ABI2: variants seen among roughly 807,000 people sequenced by gnomAD.
ABI2 encodes the protein abl interactor 2.
A neutral mutation model predicts 59.2 loss-of-function variants in ABI2; 25 were observed. The observed-to-expected ratio is 0.42, with a 90% CI of 0.31 to 0.59. ABI2 has a LOEUF of 0.59. Among genes scored for constraint, ABI2 ranks in the 20% least tolerant of loss-of-function variants. ABI2 has a pLI of 0.14. For synonymous variants in ABI2, 213 were observed against 235.5 expected, an observed-to-expected ratio of 0.90 and a Z score of 0.87; for missense variants, 545 against 681.8, an observed-to-expected ratio of 0.80 and a Z score of 2.23.
intron 5 of ABI2, among the ~76,000 whole-genome samples, chr2:203,392,307 ACCAC>A (rs1559312810): frequency 2.4e-5 from 2 of 82,324 alleles, no homozygotes; most frequent in East Asian, 2.7e-4. Flanking sequence ...CACCACCACC[ACCAC>A]CACCAACAAC....
chr2:203,370,911 T>C (rs1054012339), intron 2 of ABI2, among the ~76,000 whole-genome samples: 18 of 152,200 alleles, frequency 1.2e-4, no homozygotes, highest in Non-Finnish European at 2.5e-4. Context: ...TTCTTTTCTC[T>C]ATTGCCTGGG....
At chr2:203,351,986 G>A (rs1321587640) in intron 1 of ABI2, among the ~76,000 whole-genome samples, 1 of 152,154 alleles carries the variant, frequency 6.6e-6, no homozygotes, top group South Asian at 2.1e-4. Context: ...TAATGTTGTA[G>A]CACAATGCAT....
chr2:203,382,316 T>A, intron 4 of ABI2, 110 bp downstream of exon 4: 1 of 937,964 alleles, frequency 1.1e-6, no homozygotes, highest in South Asian at 1.7e-5. Context: ...AATAAATAAT[T>A]CCTCCTTTTT....
At chr2:203,350,491 A>G (rs567412910) in intron 1 of ABI2, among the ~76,000 whole-genome samples, 73 of 151,486 alleles carry the variant, frequency 4.8e-4, no homozygotes, top group African/African-American at 1.7e-3. Flanking sequence ...CTAGGACTAG[A>G]GGTAGACACT....
At chr2:203,393,148 G>A (rs936855694) in intron 5 of ABI2, among the ~76,000 whole-genome samples, 1 of 152,190 alleles carries the variant, frequency 6.6e-6, no homozygotes, top group Non-Finnish European at 1.5e-5. Context: ...CAATTCTCTT[G>A]CCTCCAGGCG....
rs551273988 is a variant in ABI2 at position 203,378,276 on chromosome 2, C to A, written c.286-1932C>A. 8.5e-5 allele frequency among the ~76,000 whole-genome samples: 13 copies of A among 152,178 alleles called. No homozygotes were observed. The East Asian group carries it at 2.3e-3, about 27-fold the overall frequency. ...TACAGGCACCCGCCACCATGCCCGGCTAATTTTTGTATTTTTAGTAGAGAC... is the reference window on the plus strand; with the variant it reads ...TACAGGCACCCGCCACCATGCCCGGATAATTTTTGTATTTTTAGTAGAGAC... On this transcript the variant is annotated intron_variant, in intron 2 of 11. Transcript: ENST00000261018.
chr2:203,336,905 T>C (rs961371525), intron 1 of ABI2, among the ~76,000 whole-genome samples: 4 of 152,208 alleles, frequency 2.6e-5, no homozygotes, highest in Non-Finnish European at 4.4e-5. Flanking sequence ...CGTTTTGCGT[T>C]CCCACCAGCA....
chr2:203,412,258 A>T (rs556615844), intron 10 of ABI2, among the ~76,000 whole-genome samples: 1 of 152,310 alleles, frequency 6.6e-6, no homozygotes, highest in Non-Finnish European at 1.5e-5. Flanking sequence ...TATAAGAGCA[A>T]GGAGTTTTGC....
chr2:203,360,126 A>G (rs190166019), intron 1 of ABI2, among the ~76,000 whole-genome samples: 233 of 143,964 alleles, frequency 1.6e-3, no homozygotes, highest in Non-Finnish European at 3.1e-3. Flanking sequence ...TGGAGGTTGC[A>G]GGGAGCTAAG....
At chr2:203,397,892 G>A (rs1035633362) in intron 8 of ABI2, among the ~76,000 whole-genome samples, 2 of 152,126 alleles carry the variant, frequency 1.3e-5, no homozygotes, top group African/African-American at 4.8e-5. Flanking sequence ...TGCAAGAACA[G>A]CTCCAAGGGG....
chr2:203,328,450 C>A lies in ABI2; in HGVS notation c.-65C>A. 7.2e-7 allele frequency: 1 copy of A among 1,380,956 alleles called. No homozygotes were observed. The highest frequency in any genetic ancestry group is 1.0e-6 in the Non-Finnish European group (1 of 1,000,460). 85.5% of individuals were successfully genotyped at this position (1,380,956 alleles called of 1,614,324 possible). ...TCCTCCTCTCCCGGTCCTGGGTTTC[C>A]TTGGCGCTGCGGCCGCCGCTCCCTC... On this transcript the variant is annotated 5_prime_UTR_variant, in exon 1 of 12. Coordinates refer to ENST00000261018, the MANE Select transcript of ABI2 (RefSeq NM_001375670.1).
rs758486365 is a variant in ABI2 at position 203,395,643 on chromosome 2, C to T, written c.726-13C>T. ...TATAAATACTCATGTTTTGGTGGCT[C>T]TTATTTCTTTAGCAGCAGTGGGAGT... On this transcript the variant is annotated splice_polypyrimidine_tract_variant and intron_variant, in intron 6 of 11. Coordinates refer to ENST00000261018, the MANE Select transcript of ABI2 (RefSeq NM_001375670.1). 205 of 1,603,684 alleles carry T rather than the reference C, an allele frequency of 1.3e-4. No homozygotes were observed. The highest frequency in any genetic ancestry group is 1.7e-4 in the Non-Finnish European group (198 of 1,175,564).
intron 10 of ABI2, among the ~76,000 whole-genome samples, chr2:203,413,376 A>G: frequency 6.6e-6 from 1 of 152,324 alleles, no homozygotes; most frequent in African/African-American, 2.4e-5. Flanking sequence ...TCATGAACCA[A>G]ACCTAAGAAG....
chr2:203,398,739 C>T (rs947218636), intron 8 of ABI2, among the ~76,000 whole-genome samples: 1 of 152,124 alleles, frequency 6.6e-6, no homozygotes, highest in African/African-American at 2.4e-5. Flanking sequence ...TCCTGGTAAG[C>T]CCTTGATGTG....
chr2:203,421,811 A>C (rs2098219340), intron 11 of ABI2, among the ~76,000 whole-genome samples: 1 of 152,008 alleles, frequency 6.6e-6, no homozygotes, highest in South Asian at 2.1e-4. Context: ...TACAAGTTCA[A>C]AAATTAGCTG....
intron 1 of ABI2, among the ~76,000 whole-genome samples, chr2:203,346,774 AAAT>A (rs578068487): frequency 1.9e-4 from 29 of 152,328 alleles, no homozygotes; most frequent in Non-Finnish European, 2.9e-4. Context: ...AGCAGGGACA[AAAT>A]AATAACCTGT....
chr2:203,395,799 CTCG>C lies in ABI2; in HGVS notation c.850+22_850+24del, dbSNP rs767575827. 3.2e-6 allele frequency: 5 copies of C among 1,555,756 alleles called. No individual in the cohort carries two copies. In the East Asian group the frequency reaches 1.2e-4, roughly 37 times the overall value. Reference sequence around the variant, plus strand: ...TTTCCAGGTAAAACATTCATGGTGCCTCGTCTTCACTTTTCCTTTCTGAATTTG... The same window carrying C: ...TTTCCAGGTAAAACATTCATGGTGCCTCTTCACTTTTCCTTTCTGAATTTG... On this transcript the variant is annotated intron_variant, in intron 7 of 11. Coordinates refer to ENST00000261018, the MANE Select transcript of ABI2 (RefSeq NM_001375670.1).
intron 2 of ABI2, among the ~76,000 whole-genome samples, chr2:203,377,831 G>T (rs1429092079): frequency 2.0e-5 from 3 of 152,180 alleles, no homozygotes; most frequent in Non-Finnish European, 4.4e-5. Flanking sequence ...ATTTCAGCCT[G>T]AGAGGTCGAG....
At chr2:203,345,896 C>T (rs998112723) in intron 1 of ABI2, among the ~76,000 whole-genome samples, 1 of 151,494 alleles carries the variant, frequency 6.6e-6, no homozygotes, top group South Asian at 2.1e-4. Flanking sequence ...AAATTTGCTT[C>T]TGGCCGGGCA....
Sources: gnomAD v4.1 joint callset for allele counts (sites outside exome capture counted in the v4.1 genomes callset) on GRCh38, gnomAD v4.1.1 for gene constraint, MANE v1.5 for transcripts, NCBI Gene and HGNC (gene_info 2026-07-23, HGNC 2026-07-21) for gene names.